The following SGCZ variants were observed in gnomAD, a reference collection of about 807,000 sequenced individuals.
SGCZ encodes sarcoglycan zeta, also known as zeta-sarcoglycan.
Under a neutral mutation model 41.3 loss-of-function variants are expected in SGCZ, and 40 were observed. That is an observed-to-expected ratio of 0.97 (90% CI 0.75 to 1.26). The LOEUF is 1.26. Ranked by LOEUF, SGCZ falls within the 50% of genes most tolerant of loss-of-function variation. The pLI, the probability that SGCZ is intolerant of heterozygous loss-of-function variation, is 0.00. For synonymous variants in SGCZ, 206 were observed against 137.5 expected, an observed-to-expected ratio of 1.50 and a Z score of -3.49; for missense variants, 552 against 369.8, an observed-to-expected ratio of 1.49 and a Z score of -4.04.
chr8:14,959,190 T>C (rs921789447), intron 1 of SGCZ, among the ~76,000 whole-genome samples: 2 of 152,112 alleles, frequency 1.3e-5, no homozygotes, highest in African/African-American at 4.8e-5. Context: ...CTGACAGATA[T>C]CAGAAGTTAT....
intron 2 of SGCZ, among the ~76,000 whole-genome samples, chr8:14,325,048 A>T (rs1293132220): frequency 6.6e-6 from 1 of 152,158 alleles, no homozygotes; most frequent in Non-Finnish European, 1.5e-5. Context: ...TTGGAGCCGG[A>T]GAAAGGAAAG....
intron 1 of SGCZ, among the ~76,000 whole-genome samples, chr8:15,045,425 T>C (rs1030995276): frequency 6.6e-6 from 1 of 152,060 alleles, no homozygotes; most frequent in African/African-American, 2.4e-5. Flanking sequence ...TCCACAAATC[T>C]CCATATTTTT....
At chr8:14,740,368 T>C (rs1418719340) in intron 1 of SGCZ, among the ~76,000 whole-genome samples, 1 of 151,716 alleles carries the variant, frequency 6.6e-6, no homozygotes, top group Non-Finnish European at 1.5e-5. Context: ...CACAGATTCA[T>C]CTGTAGGTAG....
chr8:14,961,569 A>G (rs139378016), intron 1 of SGCZ, among the ~76,000 whole-genome samples: 1 of 152,228 alleles, frequency 6.6e-6, no homozygotes, highest in East Asian at 1.9e-4. Flanking sequence ...ACTCTTACTT[A>G]CCTAATTTAT....
intron 1 of SGCZ, among the ~76,000 whole-genome samples, chr8:14,783,073 G>T (rs1800639458): frequency 6.6e-6 from 1 of 152,108 alleles, no homozygotes; most frequent in African/African-American, 2.4e-5. Flanking sequence ...TTACCCATGA[G>T]ATTTGGGGGC....
intron 1 of SGCZ, among the ~76,000 whole-genome samples, chr8:14,744,196 T>G (rs1799279084): frequency 6.6e-6 from 1 of 152,144 alleles, no homozygotes; most frequent in African/African-American, 2.4e-5. Flanking sequence ...AGAGCAGAGA[T>G]AAAGAAACAG....
At chr8:14,144,247 G>C (rs1031991467) in intron 5 of SGCZ, among the ~76,000 whole-genome samples, 2 of 152,148 alleles carry the variant, frequency 1.3e-5, no homozygotes, top group Non-Finnish European at 2.9e-5. Context: ...CACTTAAAGA[G>C]AGGAAAGTGG....
At chr8:14,640,607 C>T (rs1349644880) in intron 1 of SGCZ, among the ~76,000 whole-genome samples, 1 of 150,970 alleles carries the variant, frequency 6.6e-6, no homozygotes, top group Non-Finnish European at 1.5e-5. Flanking sequence ...AAACACCACA[C>T]ATATATATAT....
intron 1 of SGCZ, among the ~76,000 whole-genome samples, chr8:15,000,597 C>G (rs775445092): frequency 9.2e-5 from 14 of 152,130 alleles, no homozygotes; most frequent in Non-Finnish European, 1.9e-4. Context: ...GCTCCATCTT[C>G]GCTTCTCTTT....
intron 3 of SGCZ, among the ~76,000 whole-genome samples, chr8:14,290,164 A>G (rs191733482): frequency 1.3e-5 from 2 of 152,192 alleles, no homozygotes; most frequent in East Asian, 3.9e-4. Flanking sequence ...ATTAAACCTT[A>G]TCTTTTATCA....
intron 4 of SGCZ, among the ~76,000 whole-genome samples, chr8:14,219,044 T>C (rs1201444350): frequency 6.6e-6 from 1 of 152,212 alleles, no homozygotes; most frequent in African/African-American, 2.4e-5. Context: ...GGGTGCCTCA[T>C]GTGCTCAGCA....
chr8:14,237,720 T>G, intron 3 of SGCZ, 41 bp from the exon 4 acceptor site: 137 of 1,505,106 alleles, frequency 9.1e-5, no homozygotes, highest in Middle Eastern at 3.5e-4. Flanking sequence ...AAAATAGAAA[T>G]ATCGTCAAAT....
chr8:14,955,485 T>A (rs1800763000), intron 1 of SGCZ, among the ~76,000 whole-genome samples: 1 of 152,172 alleles, frequency 6.6e-6, no homozygotes, highest in African/African-American at 2.4e-5. Flanking sequence ...CTTAAGTAGG[T>A]AATACCAAGC....
chr8:14,712,255 C>G (rs1237126246), intron 1 of SGCZ, among the ~76,000 whole-genome samples: 2 of 152,362 alleles, frequency 1.3e-5, no homozygotes, highest in East Asian at 3.9e-4. Flanking sequence ...CTCCCTCCTT[C>G]AGCTCCGTCC....
intron 1 of SGCZ, among the ~76,000 whole-genome samples, chr8:15,166,769 G>T (rs1252214092): frequency 6.6e-6 from 1 of 152,062 alleles, no homozygotes; most frequent in Non-Finnish European, 1.5e-5. Context: ...GACAATTGTT[G>T]TCTTGTTTTA....
At chr8:14,977,180 A>C (rs550437426) in intron 1 of SGCZ, among the ~76,000 whole-genome samples, 127 of 151,858 alleles carry the variant, frequency 8.4e-4, no homozygotes, top group Non-Finnish European at 1.4e-3. Context: ...TTCTGTTAGA[A>C]GGAACTCGTT....
chr8:15,130,523 GC>G (rs747839054), intron 1 of SGCZ, among the ~76,000 whole-genome samples: 1 of 152,144 alleles, frequency 6.6e-6, no homozygotes, highest in Non-Finnish European at 1.5e-5. Flanking sequence ...ACTGCACTAA[GC>G]TAAACAGTTT....
At chr8:14,823,223 T>C (rs572060011) in intron 1 of SGCZ, among the ~76,000 whole-genome samples, 3 of 151,928 alleles carry the variant, frequency 2.0e-5, no homozygotes, top group Non-Finnish European at 4.4e-5. Context: ...AGCAAAAATA[T>C]ACAAACAGAA....
intron 5 of SGCZ, among the ~76,000 whole-genome samples, chr8:14,125,601 A>G (rs1201375899): frequency 6.6e-6 from 1 of 152,198 alleles, no homozygotes; most frequent in African/African-American, 2.4e-5. Context: ...ACTACAATGG[A>G]CATTCTTCAT....
Sources: gnomAD v4.1 joint callset for allele counts (sites outside exome capture counted in the v4.1 genomes callset) on GRCh38, gnomAD v4.1.1 for gene constraint, MANE v1.5 for transcripts, NCBI Gene and HGNC (gene_info 2026-07-23, HGNC 2026-07-21) for gene names.